The following DNAH5 variants were observed in gnomAD, a reference collection of about 807,000 sequenced individuals.
DNAH5 encodes axonemal beta dynein heavy chain 5.
Under a neutral mutation model 518.2 loss-of-function variants are expected in DNAH5, and 372 were observed. The observed-to-expected ratio is 0.72, with a 90% CI of 0.66 to 0.78. The LOEUF is 0.78. DNAH5 is among the 30% of genes least tolerant of loss of function. The pLI, the probability that DNAH5 is intolerant of heterozygous loss-of-function variation, is 0.00. For missense variants in DNAH5, 5,523 were observed against 5,687.0 expected, an observed-to-expected ratio of 0.97 and a Z score of 0.93; for synonymous variants, 2,039 against 2,025.9, an observed-to-expected ratio of 1.01 and a Z score of -0.17.
rs369201727 is a variant in DNAH5 at position 13,721,054 on chromosome 5, C to G, written c.12225G>C (p.Met4075Ile). 4 of 1,614,046 alleles carry G rather than the reference C, an allele frequency of 2.5e-6. No homozygotes were observed. The African/African-American group carries it at 5.3e-5, about 22-fold the overall frequency. ...GAGCATGGACTTCCTGGCCCTGGCC[C>G]ATGGACACATAACGGGTTTCTATTT... The part of the protein sequence containing the change: ...RLKIETRYVS[M>I]GQGQEVHARK... Residue 4075 changes from methionine to isoleucine, a missense_variant, in exon 71 of 79, where the codon ATG becomes ATC. Met to Ile is a conservative substitution (Grantham distance 10, BLOSUM62 1). Around this residue, in one of 3 missense-constraint regions of DNAH5, gnomAD observed 5,121 missense variants for 5,223.3 expected, o/e 0.98. Transcript: ENST00000265104.
intron 47 of DNAH5, among the ~76,000 whole-genome samples, chr5:13,800,740 A>G (rs1758625279): frequency 6.6e-6 from 1 of 152,206 alleles, no homozygotes; most frequent in African/African-American, 2.4e-5. Context: ...CGTCTAAAGA[A>G]TCACGGATCA....
chr5:13,939,437 T>C (rs1779255444), intron 1 of DNAH5, among the ~76,000 whole-genome samples: 2 of 152,080 alleles, frequency 1.3e-5, no homozygotes, highest in African/African-American at 4.8e-5. Context: ...CTGCCTCCCG[T>C]TTTATTTTGT....
chr5:13,920,578 G>T lies in DNAH5; in HGVS notation c.700C>A (p.Leu234Ile). 6 of 1,614,118 alleles carry T rather than the reference G, an allele frequency of 3.7e-6. No individual in the cohort carries two copies. The highest frequency in any genetic ancestry group is 5.1e-6 in the Non-Finnish European group (6 of 1,179,972). The change falls in exon 6 of 79, where the codon CTA becomes ATA. Residue 234 changes from leucine to isoleucine, a missense_variant. Leu to Ile is a conservative substitution (Grantham distance 5). Around this residue, in one of 3 missense-constraint regions of DNAH5, gnomAD observed 5,121 missense variants for 5,223.3 expected, o/e 0.98. Transcript: ENST00000265104. ...RKCDILELKT[L>I]KEPTDYLTLA... is the part of the protein sequence containing the mutation. ...GTCAAGTAGTCCGTAGGTTCCTTTA[G>T]GGTTTTCAGTTCAAGTATGTCACAC...
At chr5:13,921,506 C>A (rs923471098) in intron 5 of DNAH5, among the ~76,000 whole-genome samples, 1 of 149,456 alleles carries the variant, frequency 6.7e-6, no homozygotes, top group African/African-American at 2.5e-5. Context: ...CACACACACA[C>A]ACACACACAC....
intron 61 of DNAH5, among the ~76,000 whole-genome samples, chr5:13,758,420 A>G (rs1502041): frequency 0.31 from 46,892 of 152,008 alleles, 7,746 homozygotes; most frequent in South Asian, 0.44. Flanking sequence ...ACTTAACCCC[A>G]GGAATTCAAG....
chr5:14,002,179 G>C (rs1784400647), intron 1 of DNAH5, among the ~76,000 whole-genome samples: 1 of 152,026 alleles, frequency 6.6e-6, no homozygotes, highest in African/African-American at 2.4e-5. Context: ...TTACAGGTTT[G>C]AGCCACCATG....
At chr5:13,852,441 A>C (rs1275524150) in intron 30 of DNAH5, among the ~76,000 whole-genome samples, 2 of 151,800 alleles carry the variant, frequency 1.3e-5, no homozygotes, top group Non-Finnish European at 2.9e-5. Context: ...TGCTGGGATT[A>C]CAGGCGTGAG....
chr5:13,867,079 T>A (rs898065373), intron 25 of DNAH5, among the ~76,000 whole-genome samples: 1 of 152,364 alleles, frequency 6.6e-6, no homozygotes, highest in East Asian at 1.9e-4. Flanking sequence ...AGGACAATTA[T>A]AACTGCATGC....
chr5:13,823,097 T>G (rs1762437562), intron 40 of DNAH5, among the ~76,000 whole-genome samples, 166 bp downstream of exon 40: 1 of 152,220 alleles, frequency 6.6e-6, no homozygotes, highest in African/African-American at 2.4e-5. Context: ...AAGGGGAGTT[T>G]GACTCGTGGT....
In DNAH5 at chr5:13,862,616, G is replaced by C; in HGVS notation, c.4728C>G (p.Asp1576Glu). 1 of 1,613,992 alleles carries C rather than the reference G, an allele frequency of 6.2e-7. No individual in the cohort carries two copies. Residue 1576 changes from aspartate to glutamate, a missense_variant, in exon 29 of 79, where the codon GAC (aspartate) becomes GAG (glutamate). Asp to Glu is a conservative substitution (Grantham distance 45). Around this residue, in one of 3 missense-constraint regions of DNAH5, gnomAD observed 5,121 missense variants for 5,223.3 expected, o/e 0.98. Coordinates refer to ENST00000265104, the MANE Select transcript of DNAH5 (RefSeq NM_001369.3). ...TGTTGGCGATGATTTCCGAGGTACTGTCTCCTCTCAAGAGGAGCTCTCCAC... is the reference window on the plus strand; with the variant it reads ...TGTTGGCGATGATTTCCGAGGTACTCTCTCCTCTCAAGAGGAGCTCTCCAC... ...KTRGELLLRGDSTSEIIANME... is the reference protein window; with the variant it reads ...KTRGELLLRGESTSEIIANME...
rs112124692 is a variant in DNAH5 at position 13,870,951 on chromosome 5, A to G, written c.3650T>C (p.Ile1217Thr). 473 of 1,613,818 alleles carry G rather than the reference A, an allele frequency of 2.9e-4. 4 individuals carry two copies. In the African/African-American group the frequency reaches 5.5e-3, roughly 19 times the overall value. ...TAETKAWMVV[I>T]GRHCNKKYRS... ...GTATTTTTTGTTACAGTGGCGTCCA[A>G]TGACAACCATCCAGGCCTTTGTCTC... The change falls in exon 24 of 79, where the codon ATT (isoleucine) becomes ACT (threonine). Residue 1217 changes from isoleucine to threonine, a missense_variant. This residue lies in a region of DNAH5 where 5,121 missense variants were observed against 5,223.3 expected (regional missense o/e 0.98). Transcript: ENST00000265104.
At chr5:13,943,593 AT>A (rs1779659140) in intron 1 of DNAH5, among the ~76,000 whole-genome samples, 1 of 152,198 alleles carries the variant, frequency 6.6e-6, no homozygotes, top group South Asian at 2.1e-4. Flanking sequence ...CTTGGGAAGG[AT>A]GCATCAGAAT....
intron 31 of DNAH5, among the ~76,000 whole-genome samples, chr5:13,849,288 C>A (rs372036828): frequency 6.6e-6 from 1 of 152,206 alleles, no homozygotes; most frequent in Non-Finnish European, 1.5e-5. Context: ...CTTCCACCAA[C>A]GTGGATATGA....
At chr5:13,924,627 A>G (rs540064112) in intron 3 of DNAH5, among the ~76,000 whole-genome samples, 1 of 151,784 alleles carries the variant, frequency 6.6e-6, no homozygotes, top group African/African-American at 2.4e-5. Context: ...GTCAGCCAAG[A>G]TCACACCATT....
intron 24 of DNAH5, 135 bp downstream of exon 24, chr5:13,870,632 T>A (rs961753081): frequency 3.5e-6 from 3 of 854,046 alleles, no homozygotes; most frequent in Non-Finnish European, 5.6e-6. Flanking sequence ...GGGTTCGGTA[T>A]CATCAACAAT....
intron 65 of DNAH5, among the ~76,000 whole-genome samples, chr5:13,739,368 C>T (rs528191423): frequency 7.2e-5 from 11 of 152,244 alleles, no homozygotes; most frequent in Admixed American, 3.9e-4. Flanking sequence ...TGGCACTTCC[C>T]CTGCTTGTAC....
chr5:13,870,800 T>C lies in DNAH5; in HGVS notation c.3801A>G (p.Gln1267=), dbSNP rs1413795369. 6.2e-7 allele frequency: 1 copy of C among 1,613,628 alleles called. No individual in the cohort carries two copies. The highest frequency in any genetic ancestry group is 1.3e-5 in the African/African-American group (1 of 74,906). Residue 1267 remains glutamine, a synonymous_variant, in exon 24 of 79, where the codon CAA becomes CAG. Transcript: ENST00000265104. ...MAALKEIREE[Q]ISIDFQVGPI... ...GTCCTACTTGAAAGTCAATGGAGAT[T>C]TGCTCCTCCCTTATTTCTTTCAGCG...
intron 47 of DNAH5, among the ~76,000 whole-genome samples, chr5:13,799,968 A>C (rs1018806599): frequency 6.6e-6 from 1 of 152,124 alleles, no homozygotes; most frequent in South Asian, 2.1e-4. Flanking sequence ...TATTTATACA[A>C]TTTTGTGCAT....
intron 74 of DNAH5, among the ~76,000 whole-genome samples, 160 bp downstream of exon 74, chr5:13,716,327 A>G (rs1357860939): frequency 2.0e-5 from 3 of 152,236 alleles, no homozygotes; most frequent in Non-Finnish European, 1.5e-5. Context: ...TTAATCATCC[A>G]TTGAGTATAA....
Sources: gnomAD v4.1 joint callset for allele counts (sites outside exome capture counted in the v4.1 genomes callset) on GRCh38, gnomAD v4.1.1 for gene constraint, gnomAD v4.1.1 regional missense constraint, MANE v1.5 for transcripts, NCBI Gene and HGNC (gene_info 2026-07-23, HGNC 2026-07-21) for gene names.